Variants in LRIG1 observed in about 807,000 individuals in gnomAD.
LRIG1 encodes the protein leucine-rich repeats and immunoglobulin-like domains protein 1.
Under a neutral mutation model 99.2 loss-of-function variants are expected in LRIG1, and 48 were observed. That is an observed-to-expected ratio of 0.48 (90% confidence interval 0.38 to 0.62). The LOEUF (loss-of-function observed/expected upper bound fraction) is 0.62. Among genes scored for constraint, LRIG1 ranks in the 20% least tolerant of loss-of-function variants. LRIG1 has a pLI of 0.00. For missense variants in LRIG1, 1,646 were observed against 1,434.4 expected (o/e 1.15, Z -2.38); for synonymous variants, 772 against 596.1 (o/e 1.29, Z -4.30).
intron 17 of LRIG1, among the ~76,000 whole-genome samples, chr3:66,381,109 C>T (rs570052634): frequency 9.2e-5 from 14 of 152,152 alleles, no homozygotes; most frequent in African/African-American, 2.9e-4. Flanking sequence ...TACTGCTTCA[C>T]GGGGGAAAAG....
intron 1 of LRIG1, among the ~76,000 whole-genome samples, chr3:66,469,559 C>T (rs1700550570): frequency 6.6e-6 from 1 of 152,168 alleles, no homozygotes; most frequent in African/African-American, 2.4e-5. Flanking sequence ...CCCATAAGGT[C>T]TTACATGTGC....
intron 12 of LRIG1, among the ~76,000 whole-genome samples, chr3:66,392,364 C>T (rs993681122): frequency 2.6e-5 from 4 of 152,278 alleles, no homozygotes; most frequent in East Asian, 1.9e-4. Flanking sequence ...GAGGAACTGC[C>T]GAGACTGTTT....
At chr3:66,406,815 G>C (rs777013045) in intron 8 of LRIG1, among the ~76,000 whole-genome samples, 6 of 152,216 alleles carry the variant, frequency 3.9e-5, no homozygotes, top group Non-Finnish European at 8.8e-5. Flanking sequence ...GGTACAAGGA[G>C]AGACACAGGA....
chr3:66,483,829 G>C (rs1700906208), intron 1 of LRIG1, among the ~76,000 whole-genome samples: 1 of 152,198 alleles, frequency 6.6e-6, no homozygotes, highest in Admixed American at 6.5e-5. Flanking sequence ...ACGCAACACA[G>C]AGGAGAGCGC....
At chr3:66,420,800 G>T (rs11914912) in intron 3 of LRIG1, among the ~76,000 whole-genome samples, 5,911 of 152,256 alleles carry the variant, frequency 0.039, 376 homozygotes, top group African/African-American at 0.13. Flanking sequence ...GCAGAAGGAA[G>T]ATCTGTTGTT....
At chr3:66,444,317 C>T (rs1253474093) in intron 3 of LRIG1, among the ~76,000 whole-genome samples, 2 of 152,216 alleles carry the variant, frequency 1.3e-5, no homozygotes, top group Non-Finnish European at 1.5e-5. Flanking sequence ...TCATGGGCCT[C>T]CAACCCTGAG....
intron 1 of LRIG1, 151 bp downstream of exon 1, chr3:66,500,039 C>G: frequency 1.7e-6 from 1 of 601,338 alleles, no homozygotes; most frequent in South Asian, 2.3e-5. Context: ...TTCCGCCACT[C>G]CAACCTGACA....
intron 5 of LRIG1, among the ~76,000 whole-genome samples, chr3:66,413,868 C>T (rs1559786546): frequency 1.3e-5 from 2 of 152,134 alleles, no homozygotes; most frequent in African/African-American, 4.8e-5. Context: ...CCCGTCGTGC[C>T]GCCAACCTGG....
intron 3 of LRIG1, among the ~76,000 whole-genome samples, chr3:66,430,629 C>A (rs1703139590): frequency 6.6e-6 from 1 of 152,150 alleles, no homozygotes; most frequent in African/African-American, 2.4e-5. Flanking sequence ...CTAACATGGG[C>A]AGTGACTTCT....
chr3:66,474,436 C>T (rs553071371), intron 1 of LRIG1, among the ~76,000 whole-genome samples: 3 of 151,448 alleles, frequency 2.0e-5, no homozygotes, highest in Non-Finnish European at 1.5e-5. Flanking sequence ...AACCCTGCCT[C>T]CCTGGTTCAA....
At position 66,382,950 on chromosome 3, in the gene LRIG1, C is replaced by CT. The variant is rs764963362; in HGVS notation, c.2491+31dup. Reference sequence around the variant, plus strand: ...CCAGCATCACTGCCATTCCTCCCTCCTTGAAAGTCAGCTCCGCTGGCAGGG... The same window carrying CT: ...CCAGCATCACTGCCATTCCTCCCTCCTTTGAAAGTCAGCTCCGCTGGCAGGG... On this transcript the variant is annotated intron_variant, in intron 15 of 18. Transcript: ENST00000273261. 5.1e-6 allele frequency: 8 copies of CT among 1,565,536 alleles called. No homozygotes were observed. The Middle Eastern group carries it at 5.3e-4, about 104-fold the overall frequency.
Position 66,381,595 on chromosome 3 carries a change from G to C in LRIG1, c.2654C>G (p.Pro885Arg), listed in dbSNP as rs370284296. 6.2e-7 allele frequency: 1 copy of C among 1,613,960 alleles called. No individual in the cohort carries two copies. The highest frequency in any genetic ancestry group is 8.5e-7 in the Non-Finnish European group (1 of 1,179,936). Residue 885 changes from proline to arginine, a missense_variant, in exon 17 of 19, where the codon CCC (proline) becomes CGC (arginine). Pro to Arg is a moderately radical substitution (Grantham distance 103). Coordinates refer to ENST00000273261, the MANE Select transcript of LRIG1 (RefSeq NM_015541.3). ...CCTGCAGGCAACGCTGTGAGTGTCGGGCTCTGGAAAGTGGCTTGCATCTCT... is the reference window on the plus strand; with the variant it reads ...CCTGCAGGCAACGCTGTGAGTGTCGCGCTCTGGAAAGTGGCTTGCATCTCT... ...CPRDASHFPEPDTHSVACRQP... is the reference protein window; with the variant it reads ...CPRDASHFPERDTHSVACRQP...
At chr3:66,469,824 C>T (rs79412390) in intron 1 of LRIG1, among the ~76,000 whole-genome samples, 1,768 of 147,644 alleles carry the variant, frequency 0.012, 44 homozygotes, top group African/African-American at 0.042. Flanking sequence ...AATCTCAGCA[C>T]TTTCGGAGGC....
rs571066388 is a variant in LRIG1, at chr3:66,452,702, A to G, written c.291-1069T>C. Among the ~76,000 whole-genome samples the G allele has an allele frequency of 3.8e-4, 58 of 152,286 alleles. 1 individual carries two copies. Among genetic ancestry groups the G allele is most frequent in the African/African-American group, 1.4e-3 (58 of 41,544 alleles). ...GTATACAGCTAGCATGTGCTTGAAG[A>G]GAATAATCTGGTTGTCTGCCATCTT... is the stretch of plus-strand genomic sequence containing the variant. On this transcript the variant is annotated intron_variant, in intron 2 of 18. Coordinates refer to ENST00000273261, the MANE Select transcript of LRIG1 (RefSeq NM_015541.3).
chr3:66,467,517 G>A (rs573481073), intron 1 of LRIG1, among the ~76,000 whole-genome samples: 5 of 151,966 alleles, frequency 3.3e-5, no homozygotes, highest in East Asian at 1.9e-4. Flanking sequence ...CTGCCACCAC[G>A]CCCAGCTAAT....
intron 1 of LRIG1, among the ~76,000 whole-genome samples, chr3:66,475,003 CAA>C (rs1700688464): frequency 6.6e-6 from 1 of 152,180 alleles, no homozygotes; most frequent in South Asian, 2.1e-4. Context: ...TAGAGAGAGA[CAA>C]GAGCCATTCA....
chr3:66,433,698 G>A (rs1315062790), intron 3 of LRIG1, among the ~76,000 whole-genome samples: 1 of 152,212 alleles, frequency 6.6e-6, no homozygotes, highest in Non-Finnish European at 1.5e-5. Context: ...AGTGCTCCGG[G>A]AGGGTTAAGG....
intron 3 of LRIG1, among the ~76,000 whole-genome samples, chr3:66,450,469 A>C (rs1269869832): frequency 6.6e-6 from 1 of 152,172 alleles, no homozygotes; most frequent in Non-Finnish European, 1.5e-5. Context: ...CAGGGCACAG[A>C]GTGAAGTGCA....
intron 3 of LRIG1, among the ~76,000 whole-genome samples, chr3:66,429,814 G>C (rs1703101821): frequency 6.6e-6 from 1 of 151,834 alleles, no homozygotes; most frequent in Admixed American, 6.6e-5. Context: ...GTGTGTGAGG[G>C]GGAGAGAGAA....
Sources: gnomAD v4.1 joint callset for allele counts (sites outside exome capture counted in the v4.1 genomes callset) on GRCh38, gnomAD v4.1.1 for gene constraint, MANE v1.5 for transcripts, NCBI Gene and HGNC (gene_info 2026-07-23, HGNC 2026-07-21) for gene names.